The following CBLB variants were observed in gnomAD, a reference collection of about 807,000 sequenced individuals.
CBLB encodes the protein Cbl proto-oncogene B, also known as E3 ubiquitin-protein ligase CBL-B.
A neutral mutation model predicts 104.9 loss-of-function variants in CBLB; 31 were observed. The ratio of observed to expected loss-of-function variants is 0.30; its 90% CI spans 0.22 to 0.40. The LOEUF (loss-of-function observed/expected upper bound fraction) is 0.40. CBLB is among the 10% of genes least tolerant of loss of function. The pLI is 1.00. For missense variants in CBLB, 1,062 were observed against 1,214.6 expected, an observed-to-expected ratio of 0.87 and a Z score of 1.87; for synonymous variants, 440 against 422.6, an observed-to-expected ratio of 1.04 and a Z score of -0.51.
chr3:105,826,324 A>T (rs1029546548), intron 3 of CBLB, among the ~76,000 whole-genome samples: 1 of 152,208 alleles, frequency 6.6e-6, no homozygotes, highest in African/African-American at 2.4e-5. Context: ...GCAGTATAAA[A>T]CATGATCTCC....
intron 3 of CBLB, among the ~76,000 whole-genome samples, chr3:105,821,336 A>C (rs1273320350): frequency 1.3e-5 from 2 of 152,070 alleles, no homozygotes; most frequent in Non-Finnish European, 2.9e-5. Context: ...GAGATCCATA[A>C]ATCTTTCAAT....
In CBLB at chr3:105,832,914, G is replaced by A. The variant is rs773093280; in HGVS notation, c.419+20500C>T. 1.3e-4 allele frequency among the ~76,000 whole-genome samples: 20 copies of A among 152,168 alleles called. 1 individual carries two copies. The highest frequency in any genetic ancestry group is 3.3e-4 in the Admixed American group (5 of 15,278). On this transcript the variant is annotated intron_variant, in intron 3 of 18. Transcript: ENST00000394030. ...AGAATACCATGAGATAAAATAATGT[G>A]TCAAAACATTTAATGATCACTCAGG... is the stretch of plus-strand genomic sequence containing the variant.
chr3:105,782,578 C>CTTTTTTTTTT (rs11333516), intron 3 of CBLB, among the ~76,000 whole-genome samples: 11 of 137,512 alleles, frequency 8.0e-5, no homozygotes, highest in African/African-American at 2.7e-4. Context: ...CTTTTCTTTT[C>CTTTTTTTTTT]TTTTTTTTTT....
intron 4 of CBLB, among the ~76,000 whole-genome samples, chr3:105,773,612 C>G (rs564399389): frequency 6.6e-6 from 1 of 152,002 alleles, no homozygotes; most frequent in African/African-American, 2.4e-5. Context: ...CTTTTTTTAA[C>G]GCTAGTAATA....
intron 14 of CBLB, 41 bp downstream of exon 14, chr3:105,685,279 T>G: frequency 6.5e-7 from 1 of 1,530,990 alleles, no homozygotes; most frequent in Non-Finnish European, 9.1e-7. Flanking sequence ...ATGATAATGC[T>G]TATGCAGATG....
At chr3:105,807,520 G>T (rs1288106441) in intron 3 of CBLB, among the ~76,000 whole-genome samples, 3 of 152,114 alleles carry the variant, frequency 2.0e-5, no homozygotes, top group African/African-American at 7.2e-5. Context: ...TATTTGTGAA[G>T]TAAAATCCTA....
intron 3 of CBLB, among the ~76,000 whole-genome samples, chr3:105,802,776 A>G (rs920451721): frequency 3.9e-5 from 6 of 152,176 alleles, no homozygotes; most frequent in Non-Finnish European, 8.8e-5. Flanking sequence ...ACTTAATTTG[A>G]ACTCCATAAA....
chr3:105,660,336 C>A (rs1012272135), intron 18 of CBLB, among the ~76,000 whole-genome samples: 10 of 151,876 alleles, frequency 6.6e-5, no homozygotes, highest in African/African-American at 2.2e-4. Flanking sequence ...TACAGGCGTG[C>A]ACCACCATGC....
chr3:105,710,446 T>G (rs926412016), intron 10 of CBLB, among the ~76,000 whole-genome samples: 49 of 152,036 alleles, frequency 3.2e-4, no homozygotes, highest in African/African-American at 1.2e-3. Context: ...ACTGCAAAAG[T>G]TGGGAAAGAC....
At chr3:105,726,925 G>A (rs1446489106) in intron 9 of CBLB, among the ~76,000 whole-genome samples, 2 of 152,116 alleles carry the variant, frequency 1.3e-5, no homozygotes, top group South Asian at 2.1e-4. Context: ...GTGTATATGT[G>A]CCACATTTTC....
intron 3 of CBLB, among the ~76,000 whole-genome samples, chr3:105,832,410 C>A (rs1310827766): frequency 1.3e-5 from 2 of 152,132 alleles, no homozygotes; most frequent in African/African-American, 4.8e-5. Context: ...TCTGATACTT[C>A]AGTTATATAC....
At chr3:105,784,822 T>C (rs1352050831) in intron 3 of CBLB, among the ~76,000 whole-genome samples, 1 of 152,222 alleles carries the variant, frequency 6.6e-6, no homozygotes, top group Non-Finnish European at 1.5e-5. Flanking sequence ...TCCTCAAGTA[T>C]TTCTAGTGTC....
chr3:105,713,508 G>C (rs1463500462), intron 10 of CBLB, among the ~76,000 whole-genome samples: 3 of 152,114 alleles, frequency 2.0e-5, no homozygotes, highest in Admixed American at 2.0e-4. Context: ...CAATCTACCT[G>C]AGGCAGTGGA....
chr3:105,681,340 G>A (rs1448006167), intron 16 of CBLB, 139 bp downstream of exon 16: 26 of 773,500 alleles, frequency 3.4e-5, no homozygotes, highest in South Asian at 2.7e-4. Context: ...GGGAGTCACC[G>A]GCACCTGGAG....
chr3:105,838,318 A>G (rs1245834828), intron 3 of CBLB, among the ~76,000 whole-genome samples: 5 of 120,176 alleles, frequency 4.2e-5, no homozygotes, highest in Non-Finnish European at 1.6e-5. Flanking sequence ...TCCTAACACC[A>G]TTTTAAAAAG....
rs376805866 is a variant in CBLB, at chr3:105,746,799, A to G, written c.724-761T>C. 9.2e-5 allele frequency among the ~76,000 whole-genome samples: 14 copies of G among 152,320 alleles called. No homozygotes were observed. The South Asian group carries it at 2.9e-3, about 32-fold the overall frequency. ...TTACACATTAACCATAAGCTACATA[A>G]GGGCAAGGGACATGCCTGTCTTGCT... On this transcript the variant is annotated intron_variant, in intron 5 of 18. Transcript: ENST00000394030.
intron 10 of CBLB, among the ~76,000 whole-genome samples, chr3:105,713,963 C>G (rs185875450): frequency 7.9e-4 from 120 of 152,208 alleles, no homozygotes; most frequent in African/African-American, 2.8e-3. Context: ...CAAAAGTGTC[C>G]CCATATATTA....
chr3:105,758,783 C>A (rs956526622), intron 4 of CBLB, among the ~76,000 whole-genome samples: 1 of 152,226 alleles, frequency 6.6e-6, no homozygotes, highest in Non-Finnish European at 1.5e-5. Context: ...CCACTGTGGG[C>A]ACCTGTGTCT....
At chr3:105,756,360 C>T (rs1053950064) in intron 4 of CBLB, among the ~76,000 whole-genome samples, 1 of 152,008 alleles carries the variant, frequency 6.6e-6, no homozygotes, top group African/African-American at 2.4e-5. Flanking sequence ...AAACTTTAAA[C>T]ATTTAATTTT....
Sources: gnomAD v4.1 joint callset for allele counts (sites outside exome capture counted in the v4.1 genomes callset) on GRCh38, gnomAD v4.1.1 for gene constraint, MANE v1.5 for transcripts, NCBI Gene and HGNC (gene_info 2026-07-23, HGNC 2026-07-21) for gene names.